The following STAMBP variants were observed in gnomAD, a reference collection of about 807,000 sequenced individuals.
STAMBP encodes the protein STAM-binding protein.
A neutral mutation model predicts 50.7 loss-of-function variants in STAMBP; 31 were observed. The observed-to-expected ratio is 0.61, with a 90% CI of 0.46 to 0.83. STAMBP has a LOEUF of 0.83. Among genes scored for constraint, STAMBP ranks in the 40% least tolerant of loss-of-function variants. The probability of loss-of-function intolerance (pLI) is 0.00; values close to 1 mark genes in which losing one functional copy is unlikely to be tolerated. For synonymous variants in STAMBP, 211 were observed against 192.4 expected (o/e 1.10, Z -0.80); for missense variants, 472 against 518.9 (o/e 0.91, Z 0.88).
downstream of STAMBP, chr2:73,870,180 A>C (rs543922301): frequency 8.5e-5 from 13 of 152,230 alleles, no homozygotes; most frequent in Non-Finnish European, 1.5e-4. Flanking sequence ...GTGGGAATCC[A>C]GCCAGACCCT....
intron 7 of STAMBP, among the ~76,000 whole-genome samples, chr2:73,857,693 TATC>T (rs1220824499): frequency 6.6e-6 from 1 of 152,120 alleles, no homozygotes; most frequent in African/African-American, 2.4e-5. Flanking sequence ...AAGATCACCT[TATC>T]ATTCATCAGA....
intron 2 of STAMBP, among the ~76,000 whole-genome samples, chr2:73,835,463 T>C (rs1489240130): frequency 6.6e-6 from 1 of 151,450 alleles, no homozygotes; most frequent in Non-Finnish European, 1.5e-5. Flanking sequence ...GGATTACAGG[T>C]GTGAGCCTCC....
chr2:73,849,453 G>T lies in STAMBP; in HGVS notation c.833G>T (p.Gly278Val), dbSNP rs1016676984. Residue 278 changes from glycine (G) to valine (V), a missense_variant, in exon 6 of 10, where the codon GGA (glycine) becomes GTA (valine). By Grantham distance (109) the Gly-to-Val change is moderately radical (BLOSUM62 -3). Transcript: ENST00000394070. ...LQLASANTAR[G>V]VETCGILCGK... ...TTAGCCAGTGCCAACACTGCCCGGGGAGTGGAGACATGTGGAATTCTCTGT... is the reference window on the plus strand; with the variant it reads ...TTAGCCAGTGCCAACACTGCCCGGGTAGTGGAGACATGTGGAATTCTCTGT... 6.2e-7 allele frequency: 1 copy of T among 1,612,516 alleles called. No homozygotes were observed. Among genetic ancestry groups the T allele is most frequent in the Admixed American group, 1.7e-5 (1 of 59,716 alleles).
chr2:73,848,493 A>G (rs1049730485), intron 5 of STAMBP, among the ~76,000 whole-genome samples: 2 of 152,236 alleles, frequency 1.3e-5, no homozygotes, highest in African/African-American at 4.8e-5. Flanking sequence ...TAAAATTAAA[A>G]GTTCAGATGA....
downstream of STAMBP, among the ~76,000 whole-genome samples, chr2:73,867,809 C>T (rs1023500586): frequency 6.6e-6 from 1 of 151,720 alleles, no homozygotes; most frequent in Admixed American, 6.6e-5. Flanking sequence ...ACTAGGAAAC[C>T]AGGGGGAAAG....
chr2:73,860,242 C>A (rs1678179222), intron 9 of STAMBP, 91 bp downstream of exon 9: 1 of 1,071,584 alleles, frequency 9.3e-7, no homozygotes, highest in Non-Finnish European at 1.4e-6. Flanking sequence ...CTGATCCACA[C>A]AGAAGACCAG....
chr2:73,873,476 CA>C (rs1259912069), exon 11 of STAMBP: 2 of 152,212 alleles, frequency 1.3e-5, no homozygotes, highest in Admixed American at 6.5e-5. Context: ...AATTGAACTT[CA>C]GACAGTGTGG....
At chr2:73,858,372 C>A (rs1450364442) in intron 7 of STAMBP, among the ~76,000 whole-genome samples, 1 of 151,974 alleles carries the variant, frequency 6.6e-6, no homozygotes, top group African/African-American at 2.4e-5. Flanking sequence ...CTCCTGACCT[C>A]AAATGATCTG....
At chr2:73,862,068 C>T (rs1271574028) in intron 9 of STAMBP, 135 bp from the exon 10 acceptor site, 21 of 506,362 alleles carry the variant, frequency 4.1e-5, no homozygotes, top group African/African-American at 2.4e-4. Flanking sequence ...ACCCAGGAGG[C>T]GGGGGTTGCA....
chr2:73,849,656 T>C (rs1398701768), intron 6 of STAMBP, among the ~76,000 whole-genome samples, 169 bp downstream of exon 6: 2 of 152,172 alleles, frequency 1.3e-5, no homozygotes, highest in Non-Finnish European at 2.9e-5. Flanking sequence ...CTGTATTGAT[T>C]GATTGAATTG....
chr2:73,852,157 CTAA>C (rs762907939), intron 7 of STAMBP, among the ~76,000 whole-genome samples: 2 of 151,996 alleles, frequency 1.3e-5, no homozygotes, highest in Non-Finnish European at 2.9e-5. Context: ...CTGATAAAGC[CTAA>C]TAATGATAAG....
intron 7 of STAMBP, among the ~76,000 whole-genome samples, chr2:73,858,898 C>A (rs56055081): frequency 0.06 from 9,057 of 151,048 alleles, 319 homozygotes; most frequent in African/African-American, 0.091. Context: ...CCCCCCTTAT[C>A]CTCAGGGGAT....
intron 7 of STAMBP, among the ~76,000 whole-genome samples, chr2:73,856,164 A>G (rs1294751081): frequency 2.6e-5 from 4 of 152,262 alleles, no homozygotes; most frequent in African/African-American, 9.6e-5. Flanking sequence ...AAATTTTAGC[A>G]TCGTGTTCTC....
At chr2:73,859,751 A>G (rs932329917) in intron 8 of STAMBP, among the ~76,000 whole-genome samples, 4 of 152,076 alleles carry the variant, frequency 2.6e-5, no homozygotes, top group Admixed American at 2.6e-4. Flanking sequence ...GAAAGTTTCA[A>G]AATCAAACAC....
intron 2 of STAMBP, among the ~76,000 whole-genome samples, chr2:73,837,182 A>G (rs1223674127): frequency 6.6e-6 from 1 of 152,244 alleles, no homozygotes; most frequent in African/African-American, 2.4e-5. Context: ...TTCATATTGC[A>G]TTACAGTTGT....
In STAMBP at chr2:73,866,122, C is replaced by G. The variant is rs996300758; in HGVS notation, c.*3863C>G. ...TTCACTGAAGTCTTCACCCCTTAATCCAGGGTTCAATTTTTAGTTCACCTT... is the reference window on the plus strand; with the variant it reads ...TTCACTGAAGTCTTCACCCCTTAATGCAGGGTTCAATTTTTAGTTCACCTT... On this transcript the variant is annotated 3_prime_UTR_variant, in exon 10 of 10. Transcript: ENST00000394070. 6.6e-6 allele frequency: 1 copy of G among 152,222 alleles called. No individual in the cohort carries two copies. Among genetic ancestry groups the G allele is most frequent in the Non-Finnish European group, 1.5e-5 (1 of 68,046 alleles). 9.4% of individuals were successfully genotyped at this position (152,222 alleles called of 1,614,324 possible).
chr2:73,845,406 G>A, intron 4 of STAMBP, 144 bp downstream of exon 4: 1 of 626,138 alleles, frequency 1.6e-6, no homozygotes, highest in South Asian at 2.1e-5. Context: ...CAAAAAAGTA[G>A]AACACCAGTG....
chr2:73,836,895 A>T (rs939683830), intron 2 of STAMBP, among the ~76,000 whole-genome samples: 10 of 152,108 alleles, frequency 6.6e-5, no homozygotes, highest in Non-Finnish European at 1.5e-4. Context: ...GCCCTGTAGG[A>T]CTAGGTCCCC....
Position 73,850,448 on chromosome 2 carries a change from GA to G in STAMBP, c.941del (p.Glu314GlyfsTer44), listed in dbSNP as rs1312595730. 1 of 1,613,910 alleles carries G rather than the reference GA, an allele frequency of 6.2e-7. No individual in the cohort carries two copies. The highest frequency in any genetic ancestry group is 8.5e-7 in the Non-Finnish European group (1 of 1,179,946). ...TGCTGGGTCTGATTACTGCAACACA[GA>G]GAACGAAGAAGAACTTTTCCTCATA... The part of the protein sequence containing the change: ...QSAGSDYCNT[E>X]NEEELFLIQD... On this transcript the variant is annotated frameshift_variant, in exon 7 of 10. Transcript: ENST00000394070. LOFTEE classifies it high-confidence loss of function. The surrounding 1 kb of genome is among the most constrained non-coding windows in gnomAD (Gnocchi z 4.3).
Sources: gnomAD v4.1 joint callset for allele counts (sites outside exome capture counted in the v4.1 genomes callset) on GRCh38, gnomAD v4.1.1 for gene constraint, Gnocchi (gnomAD v3.1) non-coding constraint, MANE v1.5 for transcripts, NCBI Gene and HGNC (gene_info 2026-07-23, HGNC 2026-07-21) for gene names.